The following DLGAP4 variants were observed in gnomAD, a reference collection of about 807,000 sequenced individuals.
DLGAP4 encodes the protein DLG associated protein 4, also known as disks large-associated protein 4.
In DLGAP4, 18 loss-of-function variants were observed where a neutral mutation model predicts 86.9. That is an observed-to-expected ratio of 0.21 (90% CI 0.14 to 0.31). DLGAP4 has a LOEUF of 0.31. DLGAP4 is among the 10% of genes least tolerant of loss of function. DLGAP4 has a pLI of 1.00. For synonymous variants in DLGAP4, 548 were observed against 574.3 expected (o/e 0.95, Z 0.65); for missense variants, 1,085 against 1,362.6 (o/e 0.80, Z 3.21).
chr20:36,468,982 TGTTTA>T (rs1354914525), intron 7 of DLGAP4, among the ~76,000 whole-genome samples: 2 of 152,220 alleles, frequency 1.3e-5, no homozygotes, highest in African/African-American at 4.8e-5. Flanking sequence ...CTTTAATATT[TGTTTA>T]GTTTGTTTTG....
At position 36,496,706 on chromosome 20, in the gene DLGAP4, T is replaced by TTCA. The variant is rs1240910122; in HGVS notation, c.1655_1657dup (p.Ser552dup). ...TGCCCTTCTCTCATCCATCTGCAGG[T>TTCA]TCATCATGCCTAGTGGCGTATAAGA... On this transcript the variant is annotated inframe_insertion and splice_region_variant, in exon 8 of 13. Transcript: ENST00000339266. 3 of 1,597,336 alleles carry TTCA rather than the reference T, an allele frequency of 1.9e-6. No homozygotes were observed. The highest frequency in any genetic ancestry group is 1.7e-6 in the Non-Finnish European group (2 of 1,166,578).
rs189440985 is a variant in DLGAP4 at position 36,456,385 on chromosome 20, G to T, written c.1648+9448G>T. On this transcript the variant is annotated intron_variant, in intron 7 of 12. Transcript: ENST00000339266. ...GTAATGAAGGTATGTTACAGGAGTT[G>T]CAGGGGAAGTCCTCTAGCAACATGG... Among the ~76,000 whole-genome samples the T allele has an allele frequency of 3.3e-4, 50 of 152,324 alleles. No homozygotes were observed. The East Asian group carries it at 9.2e-3, about 28-fold the overall frequency.
At chr20:36,361,142 T>C (rs985363127) in intron 1 of DLGAP4, among the ~76,000 whole-genome samples, 4 of 151,438 alleles carry the variant, frequency 2.6e-5, no homozygotes, top group African/African-American at 9.7e-5. Flanking sequence ...AAGCCAGGAG[T>C]GTCAGAGCAA....
At chr20:36,388,367 C>G (rs535385024) in intron 2 of DLGAP4, among the ~76,000 whole-genome samples, 2 of 152,330 alleles carry the variant, frequency 1.3e-5, no homozygotes, top group African/African-American at 4.8e-5. Context: ...CTGTCTTACA[C>G]TGAGCTGAAG....
intron 10 of DLGAP4, among the ~76,000 whole-genome samples, chr20:36,502,086 A>G (rs551907001): frequency 6.6e-6 from 1 of 152,318 alleles, no homozygotes; most frequent in South Asian, 2.1e-4. Flanking sequence ...CATCATTTCT[A>G]TTAATTTCCT....
At position 36,457,305 on chromosome 20, in the gene DLGAP4, G is replaced by A. The variant is rs113221894; in HGVS notation, c.1648+10368G>A. On this transcript the variant is annotated intron_variant, in intron 7 of 12. Coordinates refer to ENST00000339266, the MANE Select transcript of DLGAP4 (RefSeq NM_001365621.2). ...GAGATCTTGGCTCACTGCAACCTCC[G>A]CTTCCCGGGTTCATGTCATTCTCCT... 4.9e-4 allele frequency among the ~76,000 whole-genome samples: 75 copies of A among 151,862 alleles called. 1 individual carries two copies. Among genetic ancestry groups the A allele is most frequent in the Non-Finnish European group, 8.1e-4 (55 of 67,950 alleles).
Position 36,503,239 on chromosome 20 carries a change from A to G in DLGAP4, c.2512+2628A>G, listed in dbSNP as rs150270514. Among the ~76,000 whole-genome samples, 435 of 152,240 alleles carry G rather than the reference A, an allele frequency of 2.9e-3. 3 individuals are homozygous for G. Among genetic ancestry groups the G allele is most frequent in the African/African-American group, 0.01 (421 of 41,558 alleles). On this transcript the variant is annotated intron_variant, in intron 10 of 12. Coordinates refer to ENST00000339266, the MANE Select transcript of DLGAP4 (RefSeq NM_001365621.2). ...ATGGCTTTACTGAGATATAATTCACATACCACAAAATTCACCCTTTTAAAG... is the reference window on the plus strand; with the variant it reads ...ATGGCTTTACTGAGATATAATTCACGTACCACAAAATTCACCCTTTTAAAG...
At chr20:36,469,582 A>G (rs1489126176) in intron 7 of DLGAP4, among the ~76,000 whole-genome samples, 5 of 151,956 alleles carry the variant, frequency 3.3e-5, no homozygotes, top group Non-Finnish European at 7.4e-5. Flanking sequence ...GCAAAACCCA[A>G]TCTCTACTAA....
chr20:36,480,162 A>G (rs181408889), intron 7 of DLGAP4, among the ~76,000 whole-genome samples: 12 of 152,254 alleles, frequency 7.9e-5, no homozygotes, highest in Non-Finnish European at 1.6e-4. Context: ...ACCTACTGGC[A>G]GTTTCTGTCA....
chr20:36,439,115 C>T (rs2033373370), intron 4 of DLGAP4, among the ~76,000 whole-genome samples: 1 of 152,176 alleles, frequency 6.6e-6, no homozygotes, highest in African/African-American at 2.4e-5. Context: ...CAGCTGCCGT[C>T]TGTTAGCACT....
At chr20:36,526,738 T>G in intron 12 of DLGAP4, 75 bp from the exon 13 acceptor site, 1 of 1,373,196 alleles carries the variant, frequency 7.3e-7, no homozygotes. Flanking sequence ...GCTGCCGGCA[T>G]ATGGTGGGGG....
intron 7 of DLGAP4, among the ~76,000 whole-genome samples, chr20:36,495,842 G>T (rs1454082294): frequency 6.6e-6 from 1 of 152,082 alleles, no homozygotes; most frequent in Non-Finnish European, 1.5e-5. Context: ...GACCCTGAAG[G>T]ATGTGTGTTT....
At chr20:36,485,369 A>C (rs988522657) in intron 7 of DLGAP4, among the ~76,000 whole-genome samples, 10 of 151,452 alleles carry the variant, frequency 6.6e-5, no homozygotes, top group African/African-American at 2.2e-4. Context: ...AAAAAAAAAA[A>C]CTGCTAGCTA....
At chr20:36,427,680 C>T (rs113644587) in intron 2 of DLGAP4, among the ~76,000 whole-genome samples, 19,633 of 151,940 alleles carry the variant, frequency 0.13, 1,701 homozygotes, top group Non-Finnish European at 0.2. Context: ...CAGTGGCTCA[C>T]GCCTGTAATC....
At chr20:36,522,342 T>C (rs2037429278) in intron 10 of DLGAP4, among the ~76,000 whole-genome samples, 1 of 152,030 alleles carries the variant, frequency 6.6e-6, no homozygotes. Context: ...AATTTTTTCA[T>C]AGAGAGAGGG....
intron 7 of DLGAP4, among the ~76,000 whole-genome samples, chr20:36,471,676 ATGTAT>A (rs2034671242): frequency 6.6e-6 from 1 of 152,116 alleles, no homozygotes; most frequent in Admixed American, 6.6e-5. Context: ...ACATCGTGAA[ATGTAT>A]TAAAGTGGTC....
intron 10 of DLGAP4, among the ~76,000 whole-genome samples, chr20:36,502,265 TTTC>T (rs1474067469): frequency 8.5e-5 from 13 of 152,356 alleles, no homozygotes; most frequent in East Asian, 3.9e-4. Context: ...ATTATTGCGT[TTTC>T]TTCTTTTTAC....
chr20:36,404,854 T>A (rs2032268816), intron 2 of DLGAP4, among the ~76,000 whole-genome samples: 1 of 152,226 alleles, frequency 6.6e-6, no homozygotes, highest in Admixed American at 6.5e-5. Flanking sequence ...ATGGGGACCC[T>A]CATTCCAGTA....
chr20:36,375,165 C>A (rs899489296), intron 2 of DLGAP4, among the ~76,000 whole-genome samples: 1 of 152,226 alleles, frequency 6.6e-6, no homozygotes, highest in Non-Finnish European at 1.5e-5. Context: ...CTCTCCCCCG[C>A]CTGTCCCTTC....
Sources: gnomAD v4.1 joint callset for allele counts (sites outside exome capture counted in the v4.1 genomes callset) on GRCh38, gnomAD v4.1.1 for gene constraint, MANE v1.5 for transcripts, NCBI Gene and HGNC (gene_info 2026-07-23, HGNC 2026-07-21) for gene names.